ZNF521: variants seen among roughly 807,000 people sequenced by gnomAD.
ZNF521 encodes the protein zinc finger protein 521.
In ZNF521, 14 loss-of-function variants were observed where a neutral mutation model predicts 105.5. The observed-to-expected ratio is 0.13, with a 90% CI of 0.09 to 0.21. The LOEUF (loss-of-function observed/expected upper bound fraction) is 0.21, where lower values mean the gene tolerates loss of function less well. Ranked by LOEUF, ZNF521 falls within the 10% of genes least tolerant of loss-of-function variation. The pLI is 1.00. For missense variants in ZNF521, 1,233 were observed against 1,629.7 expected (o/e 0.76, Z 4.19); for synonymous variants, 635 against 606.0 (o/e 1.05, Z -0.70).
intron 3 of ZNF521, among the ~76,000 whole-genome samples, chr18:25,304,741 C>G (rs1326284994): frequency 6.6e-6 from 1 of 152,164 alleles, no homozygotes; most frequent in Non-Finnish European, 1.5e-5. Flanking sequence ...CCTATCAGCT[C>G]CTGTGAACAT....
Position 25,225,494 on chromosome 18 carries a change from C to T in ZNF521, c.2424G>A (p.Lys808=), listed in dbSNP as rs751928793. ...CTTTGCTACAGAACTTGCAGTTGTA[C>T]TTCTTACTGTGAGTGGTGATGTGGC... is the stretch of plus-strand genomic sequence containing the variant. ...LQCHITTHSK[K]YNCKFCSKAF... Residue 808 remains lysine (K), a synonymous_variant, in exon 4 of 8, where the codon AAG becomes AAA. Transcript: ENST00000361524. This position sits in a 1 kb window ranked among gnomAD's most constrained non-coding sequence, Gnocchi z 5.6. The T allele has an allele frequency of 5.0e-6, 8 of 1,614,198 alleles. No individual in the cohort carries two copies. Among genetic ancestry groups the T allele is most frequent in the East Asian group, 4.5e-5 (2 of 44,886 alleles).
In ZNF521 at chr18:25,226,339, A is replaced by T; in HGVS notation, c.1579T>A (p.Ser527Thr). Residue 527 changes from serine (S) to threonine (T), a missense_variant, in exon 4 of 8, where the codon TCC (serine) becomes ACC (threonine). Ser to Thr is a moderately conservative substitution (Grantham distance 58). Around this residue, in one of 6 missense-constraint regions of ZNF521, gnomAD observed 380 missense variants for 478.0 expected, o/e 0.80. Coordinates refer to ENST00000361524, the MANE Select transcript of ZNF521 (RefSeq NM_015461.3). This position sits in a 1 kb window ranked among gnomAD's most constrained non-coding sequence, Gnocchi z 4.1. Reference sequence around the variant, plus strand: ...ACCTGTCTAATATGCTCTTCCAGGGAAGAGTCAGTGAGAAACCCCATATAG... The same window carrying T: ...ACCTGTCTAATATGCTCTTCCAGGGTAGAGTCAGTGAGAAACCCCATATAG... ...HCYMGFLTDSSLEEHIRQVHC... is the reference protein window; with the variant it reads ...HCYMGFLTDSTLEEHIRQVHC... 6.2e-7 allele frequency: 1 copy of T among 1,614,152 alleles called. No homozygotes were observed. Among genetic ancestry groups the T allele is most frequent in the Non-Finnish European group, 8.5e-7 (1 of 1,180,020 alleles).
chr18:25,351,021 T>A, intron 1 of ZNF521, 74 bp from the exon 2 acceptor site: 2 of 1,241,986 alleles, frequency 1.6e-6, no homozygotes, highest in South Asian at 1.6e-5. Context: ...CGCGCGCCCC[T>A]CGGGCCGCGG....
Position 25,124,482 on chromosome 18 carries a change from G to C in ZNF521, c.3659-32401C>G, listed in dbSNP as rs111411851. Among the ~76,000 whole-genome samples the C allele has an allele frequency of 3.5e-4, 53 of 152,268 alleles. No homozygotes were observed. The East Asian group carries it at 4.1e-3, about 12-fold the overall frequency. ...AATGATAAAAGTTGAAGAATTGAGA[G>C]TGCCTTTATGAATTTACAGTGTAAA... On this transcript the variant is annotated intron_variant, in intron 5 of 7. Transcript: ENST00000361524.
Position 25,224,737 on chromosome 18 carries a change from C to A in ZNF521, c.3181G>T (p.Val1061Phe), listed in dbSNP as rs778375398. ...AVQTTGRGQH[V>F]QKLYKCASCL... is the part of the protein sequence containing the mutation. ...GATGCGCACTTATACAGTTTTTGGA[C>A]GTGCTGGCCCCGCCCTGTGGTCTGA... Residue 1061 changes from valine to phenylalanine, a missense_variant, in exon 4 of 8, where the codon GTC becomes TTC. Physicochemically the swap from Val to Phe is conservative, Grantham distance 50 (BLOSUM62 -1). Coordinates refer to ENST00000361524, the MANE Select transcript of ZNF521 (RefSeq NM_015461.3). 3 of 1,613,810 alleles carry A rather than the reference C, an allele frequency of 1.9e-6. No individual in the cohort carries two copies. Among genetic ancestry groups the A allele is most frequent in the African/African-American group, 2.7e-5 (2 of 74,884 alleles).
At chr18:25,125,825 G>C (rs559361055) in intron 5 of ZNF521, among the ~76,000 whole-genome samples, 1 of 151,668 alleles carries the variant, frequency 6.6e-6, no homozygotes, top group African/African-American at 2.4e-5. Context: ...GTAGTGGCTG[G>C]CACTTTAAGT....
chr18:25,279,974 T>C (rs1461234871), intron 3 of ZNF521, among the ~76,000 whole-genome samples: 2 of 152,236 alleles, frequency 1.3e-5, no homozygotes, highest in African/African-American at 4.8e-5. Context: ...ACTGCAGTGA[T>C]ACGATATATT....
intron 4 of ZNF521, among the ~76,000 whole-genome samples, chr18:25,198,699 C>T (rs933682810): frequency 1.4e-4 from 21 of 151,798 alleles, no homozygotes; most frequent in African/African-American, 4.6e-4. Flanking sequence ...GGGTCAGAAG[C>T]ACCTTGCTTT....
intron 2 of ZNF521, among the ~76,000 whole-genome samples, chr18:25,327,115 A>G (rs1913263303): frequency 6.6e-6 from 1 of 152,228 alleles, no homozygotes. Flanking sequence ...AGTGGCCCCA[A>G]CACTACACTG....
chr18:25,189,130 T>A (rs188353879), intron 5 of ZNF521, among the ~76,000 whole-genome samples: 1 of 152,324 alleles, frequency 6.6e-6, no homozygotes, highest in East Asian at 1.9e-4. Context: ...AGAATCACGA[T>A]GAGCTCTTAA....
intron 7 of ZNF521, among the ~76,000 whole-genome samples, chr18:25,080,768 TAGAGG>T (rs1036087112): frequency 1.7e-4 from 26 of 152,190 alleles, no homozygotes; most frequent in African/African-American, 6.3e-4. Context: ...TTCCAATAGT[TAGAGG>T]AAAGTTTGTA....
At chr18:25,164,390 T>A (rs2035301361) in intron 5 of ZNF521, among the ~76,000 whole-genome samples, 2 of 152,162 alleles carry the variant, frequency 1.3e-5, no homozygotes, top group African/African-American at 4.8e-5. Context: ...GAAGAAAGCC[T>A]GTACATGAAA....
At chr18:25,198,421 T>C (rs1483458703) in intron 4 of ZNF521, among the ~76,000 whole-genome samples, 1 of 151,774 alleles carries the variant, frequency 6.6e-6, no homozygotes, top group African/African-American at 2.4e-5. Flanking sequence ...ATTATTCTGA[T>C]TAACCCTATT....
At chr18:25,214,220 A>T (rs73407201) in intron 4 of ZNF521, among the ~76,000 whole-genome samples, 4,017 of 152,154 alleles carry the variant, frequency 0.026, 72 homozygotes, top group South Asian at 0.077. Flanking sequence ...TTTGCTCCTC[A>T]TTCTCTCAAA....
chr18:25,239,895 T>C (rs1469870827), intron 3 of ZNF521, among the ~76,000 whole-genome samples: 1 of 152,034 alleles, frequency 6.6e-6, no homozygotes, highest in Non-Finnish European at 1.5e-5. Context: ...TACCAGGGGG[T>C]ATTTTGCAGT....
chr18:25,274,664 T>C lies in ZNF521; in HGVS notation c.221-46967A>G, dbSNP rs112411869. ...GAATCTACTCATATTTATGATACTG[T>C]TGTGGGCAGGTACTTTGGAATAATG... On this transcript the variant is annotated intron_variant, in intron 3 of 7. Coordinates refer to ENST00000361524, the MANE Select transcript of ZNF521 (RefSeq NM_015461.3). Among the ~76,000 whole-genome samples, 1,227 of 152,306 alleles carry C rather than the reference T, an allele frequency of 8.1e-3. 21 individuals are homozygous for C. Among genetic ancestry groups the C allele is most frequent in the African/African-American group, 0.028 (1,153 of 41,562 alleles).
intron 2 of ZNF521, among the ~76,000 whole-genome samples, chr18:25,336,024 G>A (rs1016146929): frequency 6.6e-6 from 1 of 152,160 alleles, no homozygotes; most frequent in African/African-American, 2.4e-5. Flanking sequence ...ATTTACTGCA[G>A]AAAGAATAAA....
At chr18:25,150,590 A>G (rs1174214380) in intron 5 of ZNF521, among the ~76,000 whole-genome samples, 1 of 152,164 alleles carries the variant, frequency 6.6e-6, no homozygotes, top group Non-Finnish European at 1.5e-5. Context: ...GTCAGCCACA[A>G]TAAAATACAT....
chr18:25,282,256 A>T (rs1910426600), intron 3 of ZNF521, among the ~76,000 whole-genome samples: 1 of 152,202 alleles, frequency 6.6e-6, no homozygotes, highest in Non-Finnish European at 1.5e-5. Flanking sequence ...TGAGGGGATC[A>T]GCTGCCTTTG....
Sources: allele counts gnomAD v4.1 joint callset (sites outside exome capture counted in the v4.1 genomes callset), GRCh38; gene constraint gnomAD v4.1.1; regional missense constraint gnomAD v4.1.1; non-coding constraint Gnocchi (gnomAD v3.1); transcripts MANE v1.5; gene names NCBI Gene and HGNC (gene_info 2026-07-23, HGNC 2026-07-21).